KCNK2: variants seen among roughly 807,000 people sequenced by gnomAD.
The protein encoded by KCNK2 is potassium two pore domain channel subfamily K member 2, also known as potassium channel subfamily K member 2.
KCNK2 carries 21 observed loss-of-function variants against 40.5 expected under a neutral mutation model. That is an observed-to-expected ratio of 0.52 (90% CI 0.37 to 0.75). KCNK2 has a LOEUF of 0.75. Ranked by LOEUF, KCNK2 falls within the 30% of genes least tolerant of loss-of-function variation. The probability of loss-of-function intolerance (pLI) is 0.00; values close to 1 mark genes in which losing one functional copy is unlikely to be tolerated. For missense variants in KCNK2, 399 were observed against 531.6 expected, an observed-to-expected ratio of 0.75 and a Z score of 2.45; for synonymous variants, 191 against 202.2, an observed-to-expected ratio of 0.94 and a Z score of 0.47.
At chr1:215,099,539 A>G (rs1660122653) in intron 2 of KCNK2, among the ~76,000 whole-genome samples, 1 of 151,974 alleles carries the variant, frequency 6.6e-6, no homozygotes, top group African/African-American at 2.4e-5. Flanking sequence ...TACTTAAGGA[A>G]TGAAAGTTAC....
At chr1:215,155,359 T>C (rs1435380086) in intron 3 of KCNK2, among the ~76,000 whole-genome samples, 2 of 152,178 alleles carry the variant, frequency 1.3e-5, no homozygotes, top group African/African-American at 4.8e-5. Context: ...CTTTATCTCC[T>C]ATTAGTGTTC....
At chr1:215,060,546 C>T (rs536173040) in intron 1 of KCNK2, among the ~76,000 whole-genome samples, 95 of 152,286 alleles carry the variant, frequency 6.2e-4, no homozygotes, top group African/African-American at 2.2e-3. Flanking sequence ...TTAATTGGAT[C>T]CGGTTTCCTT....
chr1:215,223,937 A>G (rs1343933591), intron 6 of KCNK2, among the ~76,000 whole-genome samples: 3 of 152,176 alleles, frequency 2.0e-5, no homozygotes, highest in African/African-American at 7.2e-5. Context: ...AAGGCATGGA[A>G]GTGCGAAAGC....
intron 3 of KCNK2, among the ~76,000 whole-genome samples, chr1:215,128,206 G>A (rs1661518659): frequency 6.6e-6 from 1 of 152,160 alleles, no homozygotes; most frequent in Admixed American, 6.5e-5. Flanking sequence ...AAAGAATTAG[G>A]AATTTGCTGG....
chr1:215,036,280 A>G (rs938719388), intron 1 of KCNK2, among the ~76,000 whole-genome samples: 1 of 151,780 alleles, frequency 6.6e-6, no homozygotes, highest in African/African-American at 2.4e-5. Flanking sequence ...TTCCAGCACT[A>G]TTTGTTGAAA....
intron 6 of KCNK2, among the ~76,000 whole-genome samples, chr1:215,218,152 T>C (rs528904724): frequency 1.3e-5 from 2 of 152,226 alleles, no homozygotes; most frequent in East Asian, 1.9e-4. Context: ...AGTCACAGTA[T>C]AGGATAATAG....
chr1:215,216,463 ATAT>A (rs1019138534), intron 6 of KCNK2, among the ~76,000 whole-genome samples: 4 of 147,574 alleles, frequency 2.7e-5, no homozygotes, highest in African/African-American at 9.8e-5. Context: ...TATATGTAAC[ATAT>A]TAGTATGTTG....
At chr1:215,209,476 T>TAATATATTATATATATTA (rs1553274203) in intron 6 of KCNK2, among the ~76,000 whole-genome samples, 6 of 43,192 alleles carry the variant, frequency 1.4e-4, no homozygotes, top group Non-Finnish European at 2.5e-4. Flanking sequence ...ATAATATATA[T>TAATATATTATATATATTA]TATATATAAT....
At chr1:215,125,759 TATATATATATATATATATAA>T (rs1203336060) in intron 3 of KCNK2, among the ~76,000 whole-genome samples, 35 of 8,690 alleles carry the variant, frequency 4.0e-3, no homozygotes, top group Non-Finnish European at 7.7e-3. Flanking sequence ...TATATATATA[TATATATATATATATATATAA>T]AATAAAATTT....
chr1:215,065,404 G>C (rs1054146040), intron 1 of KCNK2, among the ~76,000 whole-genome samples: 3 of 149,498 alleles, frequency 2.0e-5, no homozygotes, highest in African/African-American at 7.3e-5. Flanking sequence ...CAAATATTCA[G>C]AAAAAAAAAA....
At chr1:215,065,268 G>A (rs1658496664) in intron 1 of KCNK2, among the ~76,000 whole-genome samples, 1 of 152,084 alleles carries the variant, frequency 6.6e-6, no homozygotes, top group Admixed American at 6.6e-5. Flanking sequence ...TATTTTATCT[G>A]GTTTCAAAGT....
chr1:215,230,269 T>C (rs562004119), intron 6 of KCNK2, among the ~76,000 whole-genome samples: 16 of 150,616 alleles, frequency 1.1e-4, no homozygotes, highest in African/African-American at 3.6e-4. Context: ...CTGTATACTA[T>C]AGCCTATTGC....
chr1:215,065,087 T>C (rs572130053), intron 1 of KCNK2, among the ~76,000 whole-genome samples: 1 of 152,334 alleles, frequency 6.6e-6, no homozygotes, highest in African/African-American at 2.4e-5. Flanking sequence ...AATTAGACGT[T>C]ATATAATCAA....
intron 2 of KCNK2, among the ~76,000 whole-genome samples, chr1:215,102,919 A>T (rs1256733895): frequency 6.6e-6 from 1 of 151,996 alleles, no homozygotes; most frequent in African/African-American, 2.4e-5. Context: ...TTGCTTAAGG[A>T]TGCATTTTTC....
chr1:215,117,044 T>C lies in KCNK2; in HGVS notation c.358-7589T>C, dbSNP rs544970221. Among the ~76,000 whole-genome samples the C allele has an allele frequency of 3.1e-4, 47 of 152,098 alleles. 1 individual carries two copies. The highest frequency in any genetic ancestry group is 6.0e-4 in the Non-Finnish European group (41 of 67,978). ...TTGAAAATCTAACATTTGTCAGTAC[T>C]CTATAACATTACATTTAATTGTGGA... On this transcript the variant is annotated intron_variant, in intron 2 of 6. Transcript: ENST00000444842.
chr1:215,170,739 A>T (rs1663671262), intron 4 of KCNK2, among the ~76,000 whole-genome samples: 1 of 152,130 alleles, frequency 6.6e-6, no homozygotes, highest in South Asian at 2.1e-4. Flanking sequence ...TTTATTTAAA[A>T]GAATTATCTG....
At chr1:215,031,165 G>A (rs1657176232) in intron 1 of KCNK2, among the ~76,000 whole-genome samples, 1 of 151,970 alleles carries the variant, frequency 6.6e-6, no homozygotes, top group African/African-American at 2.4e-5. Flanking sequence ...TTGAAGTCAG[G>A]GATTATCAGT....
chr1:215,229,433 G>T lies in KCNK2; in HGVS notation c.964-5395G>T, dbSNP rs547428637. On this transcript the variant is annotated intron_variant, in intron 6 of 6. Transcript: ENST00000444842. ...AATCCCAGCACTTTAGGAGGCTAAG[G>T]CAGGAGAATCATTTGAGCTCACAAG... Among the ~76,000 whole-genome samples, 4 of 152,110 alleles carry T rather than the reference G, an allele frequency of 2.6e-5. No individual in the cohort carries two copies. The South Asian group carries it at 8.3e-4, about 32-fold the overall frequency.
intron 1 of KCNK2, among the ~76,000 whole-genome samples, chr1:215,077,727 C>G (rs989235267): frequency 6.6e-6 from 1 of 152,062 alleles, no homozygotes. Context: ...CTGCAGTCTT[C>G]TTCCGAGCTC....
Sources: allele counts gnomAD v4.1 joint callset (sites outside exome capture counted in the v4.1 genomes callset), GRCh38; gene constraint gnomAD v4.1.1; transcripts MANE v1.5; gene names NCBI Gene and HGNC (gene_info 2026-07-23, HGNC 2026-07-21).